Variants in METTL8 observed in about 807,000 individuals in gnomAD.
METTL8 encodes the protein methyltransferase 8, tRNA N3-cytidine.
A neutral mutation model predicts 48.7 loss-of-function variants in METTL8; 32 were observed. That is an observed-to-expected ratio of 0.66 (90% CI 0.50 to 0.88). The LOEUF is 0.88. Among genes scored for constraint, METTL8 ranks in the 40% least tolerant of loss-of-function variants. The pLI is 0.00. For missense variants in METTL8, 464 were observed against 474.4 expected (o/e 0.98, Z 0.20); for synonymous variants, 136 against 157.1 (o/e 0.87, Z 1.01).
rs78951023 is a variant in METTL8, at chr2:171,413,501, T to C, written c.-13+20382A>G. Reference sequence around the variant, plus strand: ...TATTTTTTATAAAAATATGCCATAATAACATACAATGGGTTTATTAGTCTT... The same window carrying C: ...TATTTTTTATAAAAATATGCCATAACAACATACAATGGGTTTATTAGTCTT... On this transcript the variant is annotated intron_variant, in intron 1 of 9. Coordinates refer to ENST00000375258, the MANE Select transcript of METTL8 (RefSeq NM_001321154.2). Among the ~76,000 whole-genome samples, 1,515 of 152,322 alleles carry C rather than the reference T, an allele frequency of 9.9e-3. 32 individuals carry two copies. The highest frequency in any genetic ancestry group is 0.062 in the East Asian group (323 of 5,192).
chr2:171,359,434 C>A (rs1684932016), intron 3 of METTL8, among the ~76,000 whole-genome samples: 1 of 152,004 alleles, frequency 6.6e-6, no homozygotes, highest in Admixed American at 6.6e-5. Flanking sequence ...ATTAGTATGA[C>A]CACTATGGAA....
intron 3 of METTL8, among the ~76,000 whole-genome samples, chr2:171,352,949 T>G (rs2105452038): frequency 6.6e-6 from 1 of 152,320 alleles, no homozygotes; most frequent in East Asian, 1.9e-4. Flanking sequence ...TTTGAAGGGT[T>G]TTTTGTGTCT....
intron 2 of METTL8, among the ~76,000 whole-genome samples, chr2:171,385,628 G>C (rs916711319): frequency 1.3e-5 from 2 of 152,210 alleles, no homozygotes; most frequent in African/African-American, 4.8e-5. Flanking sequence ...ACAGGTGTCG[G>C]GTGCAGACTG....
chr2:171,353,031 T>G (rs959750179), intron 3 of METTL8, among the ~76,000 whole-genome samples: 5 of 152,208 alleles, frequency 3.3e-5, no homozygotes, highest in African/African-American at 9.6e-5. Context: ...TGTTTGCTCT[T>G]GCTTCTCTAG....
chr2:171,361,524 A>G (rs1685169559), intron 2 of METTL8, among the ~76,000 whole-genome samples: 1 of 152,220 alleles, frequency 6.6e-6, no homozygotes, highest in Non-Finnish European at 1.5e-5. Context: ...AATTATAATT[A>G]TAGTAACTGC....
intron 7 of METTL8, among the ~76,000 whole-genome samples, chr2:171,327,702 A>T (rs1685094380): frequency 2.0e-5 from 3 of 152,236 alleles, no homozygotes; most frequent in Admixed American, 2.0e-4. Flanking sequence ...TTAGGTGAAA[A>T]GTCCTTTTAA....
chr2:171,419,483 T>A (rs1691661682), intron 1 of METTL8, among the ~76,000 whole-genome samples: 1 of 152,180 alleles, frequency 6.6e-6, no homozygotes, highest in African/African-American at 2.4e-5. Flanking sequence ...ATCATCACCA[T>A]CCAGTTAATA....
chr2:171,323,209 C>T lies in METTL8; in HGVS notation c.*963G>A, dbSNP rs1684619521. ...GGTTCAAAAGCCCTTGATACAAGAGCTTGTCAGCTTACATACCTTTTTTTT... is the reference window on the plus strand; with the variant it reads ...GGTTCAAAAGCCCTTGATACAAGAGTTTGTCAGCTTACATACCTTTTTTTT... On this transcript the variant is annotated 3_prime_UTR_variant, in exon 10 of 10. Transcript: ENST00000375258. 2.1e-5 allele frequency: 3 copies of T among 141,044 alleles called. No homozygotes were observed. The highest frequency in any genetic ancestry group is 7.3e-5 in the Admixed American group (1 of 13,750). The allele number at this position is 141,044 out of a possible 1,614,324, so 8.7% of individuals were successfully genotyped here.
intron 1 of METTL8, among the ~76,000 whole-genome samples, chr2:171,398,751 C>T (rs1459216900): frequency 6.6e-6 from 1 of 152,184 alleles, no homozygotes; most frequent in Non-Finnish European, 1.5e-5. Context: ...AATTGTTAAT[C>T]TGCTTGCCTA....
upstream of METTL8, chr2:171,434,383 G>A (rs1334925045): frequency 1.1e-6 from 1 of 921,432 alleles, no homozygotes; most frequent in African/African-American, 1.6e-5. Context: ...TCCGCGCTCT[G>A]GCGGTGCAAG....
intron 2 of METTL8, among the ~76,000 whole-genome samples, chr2:171,370,732 A>C (rs978084567): frequency 2.1e-4 from 32 of 152,202 alleles, no homozygotes; most frequent in Admixed American, 6.5e-5. Flanking sequence ...CGGAGCTTGC[A>C]GTGAGCCGAG....
chr2:171,381,522 A>T (rs576819308), intron 2 of METTL8, among the ~76,000 whole-genome samples: 1 of 152,356 alleles, frequency 6.6e-6, no homozygotes, highest in South Asian at 2.1e-4. Flanking sequence ...CAAAGGGCTA[A>T]TATCCAGAAT....
At position 171,433,983 on chromosome 2, in the gene METTL8, TTG is replaced by T; in HGVS notation, c.-115_-114del. The T allele has an allele frequency of 4.7e-6, 1 of 212,024 alleles. No homozygotes were observed. 13.1% of individuals were successfully genotyped at this position (212,024 alleles called of 1,614,324 possible). A position where few individuals can be genotyped will look rare whatever the true frequency, so the allele number is the denominator to read the frequency against. ...AGGGCGAAGGTCGGGGCCGAGAAGC[TTG>T]TGAGTACCGGGGCAGTGAGGGAGGG... is the stretch of plus-strand genomic sequence containing the variant. On this transcript the variant is annotated 5_prime_UTR_variant, in exon 1 of 10. Transcript: ENST00000375258.
At chr2:171,381,552 A>AT (rs1219280429) in intron 2 of METTL8, among the ~76,000 whole-genome samples, 1 of 152,068 alleles carries the variant, frequency 6.6e-6, no homozygotes, top group East Asian at 1.9e-4. Context: ...ATTTAAACAA[A>AT]TTTACAAGAA....
Position 171,317,018 on chromosome 2 carries a change from G to A in METTL8, c.*7154C>T, listed in dbSNP as rs961414306. The stretch of plus-strand genomic sequence containing the variant: ...ACAAGTTGCTCTCAGGAGGCAGAAG[G>A]TGAGAGAAATGAGGCAGCAATTACA... On this transcript the variant is annotated 3_prime_UTR_variant, in exon 10 of 10. Coordinates refer to ENST00000375258, the MANE Select transcript of METTL8 (RefSeq NM_001321154.2). 3.3e-5 allele frequency among the ~76,000 whole-genome samples: 5 copies of A among 152,178 alleles called. No individual in the cohort carries two copies. The highest frequency in any genetic ancestry group is 7.3e-5 in the Non-Finnish European group (5 of 68,028).
At chr2:171,343,012 A>G (rs1027473305) in intron 3 of METTL8, among the ~76,000 whole-genome samples, 1 of 150,420 alleles carries the variant, frequency 6.6e-6, no homozygotes, top group Non-Finnish European at 1.5e-5. Flanking sequence ...GTCTCTACTT[A>G]AAAAAAAAAT....
At chr2:171,384,716 C>G (rs2105541386) in intron 2 of METTL8, among the ~76,000 whole-genome samples, 1 of 151,812 alleles carries the variant, frequency 6.6e-6, no homozygotes, top group East Asian at 2.0e-4. Flanking sequence ...CCTGTAATCT[C>G]AGCTACTTGG....
chr2:171,329,410 G>A (rs1685294752), intron 7 of METTL8, among the ~76,000 whole-genome samples: 1 of 152,178 alleles, frequency 6.6e-6, no homozygotes, highest in Non-Finnish European at 1.5e-5. Flanking sequence ...GGGTGTCAAT[G>A]GGGAATCTTG....
rs1193496525 is a variant in METTL8, at chr2:171,368,974, C to CA, written c.144-8462dup. 1.6e-4 allele frequency among the ~76,000 whole-genome samples: 25 copies of CA among 151,810 alleles called. No homozygotes were observed. The East Asian group carries it at 1.7e-3, about 11-fold the overall frequency. On this transcript the variant is annotated intron_variant, in intron 2 of 9. Coordinates refer to ENST00000375258, the MANE Select transcript of METTL8 (RefSeq NM_001321154.2). ...CCACTATTGAGATTTAGTGTAATATCAAAAAAAACCCCACAATTATCTGAT... is the reference window on the plus strand; with the variant it reads ...CCACTATTGAGATTTAGTGTAATATCAAAAAAAAACCCCACAATTATCTGAT...
Sources: gnomAD v4.1 joint callset for allele counts (sites outside exome capture counted in the v4.1 genomes callset) on GRCh38, gnomAD v4.1.1 for gene constraint, MANE v1.5 for transcripts, NCBI Gene and HGNC (gene_info 2026-07-23, HGNC 2026-07-21) for gene names.